Variants in DNHD1 observed in about 807,000 individuals in gnomAD.
The protein encoded by DNHD1 is dynein heavy chain domain 1.
A neutral mutation model predicts 458.1 loss-of-function variants in DNHD1; 383 were observed. The observed-to-expected ratio is 0.84, with a 90% confidence interval of 0.77 to 0.91. The LOEUF (loss-of-function observed/expected upper bound fraction) is 0.91. Ranked by LOEUF, DNHD1 falls within the 40% of genes least tolerant of loss-of-function variation. The probability of loss-of-function intolerance (pLI) is 0.00; values close to 1 mark genes in which losing one functional copy is unlikely to be tolerated. For synonymous variants in DNHD1, 2,203 were observed against 2,376.9 expected, an observed-to-expected ratio of 0.93 and a Z score of 2.13; for missense variants, 5,336 against 5,866.1, an observed-to-expected ratio of 0.91 and a Z score of 2.95.
chr11:6,549,149 T>C (rs1438121500), intron 24 of DNHD1: 3 of 597,560 alleles, frequency 5.0e-6, no homozygotes, highest in Non-Finnish European at 5.8e-6. Flanking sequence ...CCAATCTCAC[T>C]TCTTTTCTAA....
chr11:6,571,431 C>T lies in DNHD1; in HGVS notation c.13911+8C>T, dbSNP rs1019786986. On this transcript the variant is annotated splice_region_variant and intron_variant, in intron 42 of 42. Coordinates refer to ENST00000254579, the MANE Select transcript of DNHD1 (RefSeq NM_144666.3). This position sits in a 1 kb window ranked among gnomAD's most constrained non-coding sequence, Gnocchi z 5.0. ...AACCCTCTGCACTTCAGGGTATCTT[C>T]GCGCCGCCCCTCGTTCGCGGTTCCA... The T allele has an allele frequency of 8.3e-6, 13 of 1,575,696 alleles. No homozygotes were observed. The highest frequency in any genetic ancestry group is 1.2e-5 in the South Asian group (1 of 86,806).
chr11:6,551,902 A>G lies in DNHD1; in HGVS notation c.7387+2969A>G, dbSNP rs192263707. Among the ~76,000 whole-genome samples the G allele has an allele frequency of 3.0e-4, 40 of 134,256 alleles. 2 individuals carry two copies. The highest frequency in any genetic ancestry group is 2.3e-3 in the Admixed American group (32 of 13,738). 88.1% of individuals were successfully genotyped at this position (134,256 alleles called of 152,430 possible). On this transcript the variant is annotated intron_variant, in intron 24 of 42. Transcript: ENST00000254579. ...GTTGCGGTGAGCTGAGATTTGCACCACTGCACTCCAGCCTGGTGACAGAGC... is the reference window on the plus strand; with the variant it reads ...GTTGCGGTGAGCTGAGATTTGCACCGCTGCACTCCAGCCTGGTGACAGAGC...
rs1292648478 is a variant in DNHD1, at chr11:6,498,242, T to C, written c.27T>C (p.Gly9=). 1 of 1,613,622 alleles carries C rather than the reference T, an allele frequency of 6.2e-7. No homozygotes were observed. The highest frequency in any genetic ancestry group is 1.1e-5 in the South Asian group (1 of 91,068). ...TGGTCCCGGAGGAGAGGAGGGTAGG[T>C]TTGTCTTCTGATGAGACATCATCTG... MVPEERRV[G]LSSDETSSDS... is the part of the protein sequence containing the mutation. Residue 9 remains glycine, a synonymous_variant, in exon 3 of 43, where the codon GGT becomes GGC. Coordinates refer to ENST00000254579, the MANE Select transcript of DNHD1 (RefSeq NM_144666.3).
At chr11:6,525,862 T>A (rs1852700837) in intron 10 of DNHD1, among the ~76,000 whole-genome samples, 1 of 152,064 alleles carries the variant, frequency 6.6e-6, no homozygotes, top group Non-Finnish European at 1.5e-5. Flanking sequence ...TTTGCCTAGA[T>A]TTTTTTTCTT....
intron 12 of DNHD1, among the ~76,000 whole-genome samples, chr11:6,529,622 T>C (rs561941051): frequency 5.8e-4 from 89 of 152,214 alleles, no homozygotes; most frequent in Non-Finnish European, 1.1e-3. Context: ...ATCTGGGCAA[T>C]TGAAAATTTA....
chr11:6,500,967 AGAG>A (rs746664014), intron 3 of DNHD1, among the ~76,000 whole-genome samples: 8 of 151,900 alleles, frequency 5.3e-5, no homozygotes, highest in Non-Finnish European at 5.9e-5. Context: ...AGAGAGAGAG[AGAG>A]GGAGTGTAGT....
rs1393108652 is a variant in DNHD1, at chr11:6,545,063, T to C, written c.4124T>C (p.Leu1375Pro). The change falls in exon 21 of 43, where the codon CTG becomes CCG. Residue 1375 changes from leucine to proline, a missense_variant. By Grantham distance (98) the Leu-to-Pro change is moderately conservative (BLOSUM62 -3). This residue lies in a region of DNHD1 where 3,932 missense variants were observed against 4,365.6 expected (regional missense o/e 0.90). Coordinates refer to ENST00000254579, the MANE Select transcript of DNHD1 (RefSeq NM_144666.3). The surrounding 1 kb of genome is among the most constrained non-coding windows in gnomAD (Gnocchi z 4.9). ...CTGGTAGCCCTGCTGGCTGCTCGAC[T>C]GGAATCATGCGAAGCCCAGCTATGG... ...SELVALLAAR[L>P]ESCEAQLWVR... 4 of 1,551,936 alleles carry C rather than the reference T, an allele frequency of 2.6e-6. No individual in the cohort carries two copies. The highest frequency in any genetic ancestry group is 3.9e-5 in the Admixed American group (2 of 51,014).
chr11:6,515,779 A>ATTTT (rs61095437), intron 7 of DNHD1, among the ~76,000 whole-genome samples: 4 of 108,302 alleles, frequency 3.7e-5, no homozygotes, highest in Non-Finnish European at 5.5e-5. Flanking sequence ...CTATAGACAC[A>ATTTT]TTTTTTTTTT....
chr11:6,565,596 C>A, intron 32 of DNHD1, 99 bp from the exon 33 acceptor site: 2 of 1,272,410 alleles, frequency 1.6e-6, no homozygotes, highest in Non-Finnish European at 1.1e-6. Context: ...TGTCTTCCTG[C>A]AGACCTTCCC....
At chr11:6,539,025 G>A (rs1853031510) in intron 16 of DNHD1, among the ~76,000 whole-genome samples, 194 bp from the exon 17 acceptor site, 2 of 152,222 alleles carry the variant, frequency 1.3e-5, no homozygotes, top group Middle Eastern at 6.8e-3. Flanking sequence ...CTGGGCTTGG[G>A]CTGGGGCCTT....
In DNHD1 at chr11:6,557,170, G is replaced by A. The variant is rs538757165; in HGVS notation, c.7875G>A (p.Arg2625=). The stretch of plus-strand genomic sequence containing the variant: ...CCAACCACCAGGAGCACTTGCGCCG[G>A]GTGTCAGGCCTGCGAGGCACTTGTC... ...DYPNHQEHLR[R]VSGLRGTCLT... Residue 2625 remains arginine, a synonymous_variant, in exon 25 of 43, where the codon CGG becomes CGA. Coordinates refer to ENST00000254579, the MANE Select transcript of DNHD1 (RefSeq NM_144666.3). 6.4e-7 allele frequency: 1 copy of A among 1,551,720 alleles called. No homozygotes were observed. Among genetic ancestry groups the A allele is most frequent in the African/African-American group, 1.4e-5 (1 of 73,170 alleles).
chr11:6,539,586 C>T (rs886932408), intron 17 of DNHD1, among the ~76,000 whole-genome samples: 2 of 152,224 alleles, frequency 1.3e-5, no homozygotes, highest in Non-Finnish European at 2.9e-5. Context: ...TGCCCCCCAA[C>T]ACCTGTCTTG....
At chr11:6,520,316 T>A in intron 10 of DNHD1, 27 bp downstream of exon 10, 1 of 1,551,176 alleles carries the variant, frequency 6.4e-7, no homozygotes, top group Non-Finnish European at 8.7e-7. Flanking sequence ...AGGCAGGGGG[T>A]AGGAAGGCTG....
chr11:6,519,639 G>T lies in DNHD1; in HGVS notation c.1432G>T (p.Glu478Ter). 1 of 1,614,108 alleles carries T rather than the reference G, an allele frequency of 6.2e-7. No homozygotes were observed. Among genetic ancestry groups the T allele is most frequent in the South Asian group, 1.1e-5 (1 of 91,068 alleles). Residue 478 changes from glutamate to a stop codon, truncating the protein, a stop_gained, in exon 8 of 43, where the codon GAG (glutamate) becomes TAG (stop). Coordinates refer to ENST00000254579, the MANE Select transcript of DNHD1 (RefSeq NM_144666.3). LOFTEE classifies it high-confidence loss of function. ...DTYHMQQCLQ[E>*]RVQNCDRIRT... The stretch of plus-strand genomic sequence containing the variant: ...ATACCACATGCAACAGTGCCTACAG[G>T]AGCGAGTACAAAACTGTGACAGGAT...
At position 6,539,969 on chromosome 11, in the gene DNHD1, T is replaced by C; in HGVS notation, c.3514T>C (p.Phe1172Leu). Residue 1172 changes from phenylalanine to leucine, a missense_variant, in exon 18 of 43, where the codon TTC becomes CTC. Coordinates refer to ENST00000254579, the MANE Select transcript of DNHD1 (RefSeq NM_144666.3). ...AGCGCGCCAGCTGCGCCTGCTCAACTTCATCCTGCATGTACCCTACGAGCC... is the reference window on the plus strand; with the variant it reads ...AGCGCGCCAGCTGCGCCTGCTCAACCTCATCCTGCATGTACCCTACGAGCC... ...WEARQLRLLN[F>L]ILHVPYEPPA... 1.9e-6 allele frequency: 3 copies of C among 1,551,742 alleles called. No homozygotes were observed. The highest frequency in any genetic ancestry group is 2.6e-6 in the Non-Finnish European group (3 of 1,146,986).
At chr11:6,544,290 C>G in intron 19 of DNHD1, 44 bp downstream of exon 19, 1 of 1,549,674 alleles carries the variant, frequency 6.5e-7, no homozygotes, top group Non-Finnish European at 8.7e-7. Flanking sequence ...AGACCTGAGG[C>G]AGGATGTCCC....
At position 6,511,383 on chromosome 11, in the gene DNHD1, G is replaced by A. The variant is rs144531490; in HGVS notation, c.1346G>A (p.Arg449Gln). 2.2e-5 allele frequency: 35 copies of A among 1,614,128 alleles called. No homozygotes were observed. Among genetic ancestry groups the A allele is most frequent in the East Asian group, 1.1e-4 (5 of 44,894 alleles). The change falls in exon 7 of 43, where the codon CGG becomes CAG. Residue 449 changes from arginine (R) to glutamine (Q), a missense_variant. This residue lies in a region of DNHD1 where 3,932 missense variants were observed against 4,365.6 expected (regional missense o/e 0.90). Coordinates refer to ENST00000254579, the MANE Select transcript of DNHD1 (RefSeq NM_144666.3). ...ALAEEKHKALRLLHRCLNLCT... is the reference protein window; with the variant it reads ...ALAEEKHKALQLLHRCLNLCT... ...GCCGAGGAGAAGCATAAGGCTCTAC[G>A]GCTGCTCCATCGTTGCCTAAACCTC...
rs916127758 is a variant in DNHD1, at chr11:6,548,688, G to A, written c.7142G>A (p.Gly2381Glu). The A allele has an allele frequency of 1.3e-6, 2 of 1,551,498 alleles. No homozygotes were observed. The highest frequency in any genetic ancestry group is 2.7e-5 in the African/African-American group (2 of 73,030). Residue 2381 changes from glycine to glutamate, a missense_variant, in exon 24 of 43, where the codon GGA becomes GAA. This residue lies in a region of DNHD1 where 3,932 missense variants were observed against 4,365.6 expected (regional missense o/e 0.90). Coordinates refer to ENST00000254579, the MANE Select transcript of DNHD1 (RefSeq NM_144666.3). This position sits in a 1 kb window ranked among gnomAD's most constrained non-coding sequence, Gnocchi z 4.4. The part of the protein sequence containing the change: ...LYVVDLLLSG[G>E]QPVLLAGEAA... ...GTGGTGGACCTGCTTCTGTCAGGGG[G>A]ACAGCCAGTGTTGCTGGCTGGAGAG...
In DNHD1 at chr11:6,544,989, T is replaced by TG. The variant is rs1409831311; in HGVS notation, c.4054dup (p.Val1352GlyfsTer12). The TG allele has an allele frequency of 6.4e-7, 1 of 1,551,726 alleles. No individual in the cohort carries two copies. Among genetic ancestry groups the TG allele is most frequent in the East Asian group, 2.4e-5 (1 of 40,924 alleles). ...TCATGAGTCTGGAGAGCGTGCTCTA[T>TG]GGGGTGTGTGCTCACTTCCCCCGCC... On this transcript the variant is annotated frameshift_variant, in exon 21 of 43. Coordinates refer to ENST00000254579, the MANE Select transcript of DNHD1 (RefSeq NM_144666.3).
Sources: gnomAD v4.1 joint callset for allele counts (sites outside exome capture counted in the v4.1 genomes callset) on GRCh38, gnomAD v4.1.1 for gene constraint, gnomAD v4.1.1 regional missense constraint, Gnocchi (gnomAD v3.1) non-coding constraint, MANE v1.5 for transcripts, NCBI Gene and HGNC (gene_info 2026-07-23, HGNC 2026-07-21) for gene names.